TAFA1: variants seen among roughly 807,000 people sequenced by gnomAD.
The protein encoded by TAFA1 is chemokine-like protein TAFA-1.
Under a neutral mutation model 18.5 loss-of-function variants are expected in TAFA1, and 4 were observed. The observed-to-expected ratio is 0.22, with a 90% CI of 0.11 to 0.49. The LOEUF (loss-of-function observed/expected upper bound fraction) is 0.49. Ranked by LOEUF, TAFA1 falls within the 20% of genes least tolerant of loss-of-function variation. The probability of loss-of-function intolerance (pLI) is 0.98; values close to 1 mark genes in which losing one functional copy is unlikely to be tolerated. For missense variants in TAFA1, 147 were observed against 169.0 expected (o/e 0.87, Z 0.72); for synonymous variants, 56 against 55.2 (o/e 1.01, Z -0.06).
chr3:68,213,166 G>T (rs1483434874), intron 2 of TAFA1, among the ~76,000 whole-genome samples: 2 of 151,848 alleles, frequency 1.3e-5, no homozygotes, highest in Non-Finnish European at 2.9e-5. Flanking sequence ...CAGTAAAAAA[G>T]AAACCAACTC....
intron 2 of TAFA1, among the ~76,000 whole-genome samples, chr3:68,061,007 G>A (rs1559721542): frequency 1.3e-5 from 2 of 152,270 alleles, no homozygotes; most frequent in East Asian, 3.9e-4. Flanking sequence ...TAGCGTGTGT[G>A]TACTCTCTTT....
chr3:68,377,099 G>A (rs1366945998), intron 2 of TAFA1, among the ~76,000 whole-genome samples: 3 of 152,048 alleles, frequency 2.0e-5, no homozygotes, highest in Non-Finnish European at 4.4e-5. Context: ...CCCAGTCTCG[G>A]GTATTTCTTT....
intron 2 of TAFA1, among the ~76,000 whole-genome samples, chr3:68,227,024 G>A (rs2066809467): frequency 6.6e-6 from 1 of 152,194 alleles, no homozygotes; most frequent in East Asian, 1.9e-4. Flanking sequence ...CTGTCCTCTA[G>A]AGAACATTTA....
At chr3:68,224,033 A>G (rs1307035041) in intron 2 of TAFA1, among the ~76,000 whole-genome samples, 1 of 150,930 alleles carries the variant, frequency 6.6e-6, no homozygotes, top group Non-Finnish European at 1.5e-5. Context: ...ATAGCCAACA[A>G]CCATGCAAGT....
chr3:68,055,936 A>C (rs1417359936), intron 2 of TAFA1, among the ~76,000 whole-genome samples: 1 of 152,116 alleles, frequency 6.6e-6, no homozygotes, highest in Non-Finnish European at 1.5e-5. Context: ...ATGATGCCGG[A>C]GAGGCCTCTG....
At chr3:68,108,743 A>G (rs770855190) in intron 2 of TAFA1, among the ~76,000 whole-genome samples, 1 of 152,118 alleles carries the variant, frequency 6.6e-6, no homozygotes, top group Non-Finnish European at 1.5e-5. Context: ...TTCAAAACAA[A>G]ATAGAATATG....
Position 68,039,555 on chromosome 3 carries a change from CCAGT to C in TAFA1, c.118+32814_118+32817del, listed in dbSNP as rs201917437. Among the ~76,000 whole-genome samples, 887 of 152,238 alleles carry C rather than the reference CCAGT, an allele frequency of 5.8e-3. 32 individuals are homozygous for C. Among genetic ancestry groups the C allele is most frequent in the Admixed American group, 0.052 (800 of 15,274 alleles). ...TTCTTATTATTCTGCAAATTTCTCT[CCAGT>C]CAAAGATTGTGTAGCATTTCATCTT... On this transcript the variant is annotated intron_variant, in intron 2 of 4. Transcript: ENST00000478136.
chr3:68,362,254 G>A (rs1217436881), intron 2 of TAFA1, among the ~76,000 whole-genome samples: 2 of 152,110 alleles, frequency 1.3e-5, no homozygotes, highest in African/African-American at 2.4e-5. Context: ...TGCAAGGTGT[G>A]TATTGGGCAC....
chr3:68,373,538 C>A (rs976117931), intron 2 of TAFA1, among the ~76,000 whole-genome samples: 2 of 152,138 alleles, frequency 1.3e-5, no homozygotes, highest in African/African-American at 4.8e-5. Context: ...TCTGCTCTAC[C>A]CCCTTTGCCC....
chr3:68,195,832 T>C (rs1276254604), intron 2 of TAFA1, among the ~76,000 whole-genome samples: 1 of 151,742 alleles, frequency 6.6e-6, no homozygotes, highest in African/African-American at 2.4e-5. Context: ...ATCCATATCA[T>C]ATATGTCTTT....
chr3:68,017,691 G>T (rs1704598298), intron 2 of TAFA1, among the ~76,000 whole-genome samples: 1 of 152,192 alleles, frequency 6.6e-6, no homozygotes, highest in African/African-American at 2.4e-5. Context: ...GGGTCCAATA[G>T]CTACTGTTTA....
intron 2 of TAFA1, among the ~76,000 whole-genome samples, chr3:68,236,444 AG>A (rs1460237561): frequency 6.6e-6 from 1 of 152,240 alleles, no homozygotes; most frequent in East Asian, 1.9e-4. Context: ...ACTTGGCTAA[AG>A]CCACTTAAAC....
At chr3:68,056,450 C>T (rs934583614) in intron 2 of TAFA1, among the ~76,000 whole-genome samples, 2 of 152,312 alleles carry the variant, frequency 1.3e-5, no homozygotes. Context: ...GATGGGTGGT[C>T]ACCCAAGTTT....
In TAFA1 at chr3:68,131,541, C is replaced by T. The variant is rs556632768; in HGVS notation, c.118+124797C>T. Among the ~76,000 whole-genome samples the T allele has an allele frequency of 2.0e-5, 3 of 152,362 alleles. No homozygotes were observed. The East Asian group carries it at 5.8e-4, about 29-fold the overall frequency. ...CAAACTGCTACTGTCCTTATTAGTG[C>T]TGCTCCCAAGTAGATTAAGCAAACT... On this transcript the variant is annotated intron_variant, in intron 2 of 4. Coordinates refer to ENST00000478136, the MANE Select transcript of TAFA1 (RefSeq NM_213609.4).
At chr3:68,349,018 C>G (rs1575796284) in intron 2 of TAFA1, among the ~76,000 whole-genome samples, 1 of 151,638 alleles carries the variant, frequency 6.6e-6, no homozygotes, top group East Asian at 2.0e-4. Context: ...TGTTACAAAG[C>G]TGATGCCAAT....
At chr3:68,444,683 G>A (rs1326598219) in intron 3 of TAFA1, among the ~76,000 whole-genome samples, 1 of 150,974 alleles carries the variant, frequency 6.6e-6, no homozygotes, top group Admixed American at 6.6e-5. Flanking sequence ...TGTAATCTCA[G>A]CACTTTGGGA....
chr3:68,140,792 A>C (rs1291387004), intron 2 of TAFA1, among the ~76,000 whole-genome samples: 1 of 152,214 alleles, frequency 6.6e-6, no homozygotes, highest in Non-Finnish European at 1.5e-5. Context: ...AAATGGTCTC[A>C]TGGGAGTTGA....
intron 2 of TAFA1, among the ~76,000 whole-genome samples, chr3:68,317,015 C>A (rs866987182): frequency 1.3e-5 from 2 of 151,960 alleles, no homozygotes; most frequent in South Asian, 2.1e-4. Context: ...GACTCAGAAG[C>A]AACTTAATAT....
At chr3:68,357,923 A>T (rs1236678457) in intron 2 of TAFA1, among the ~76,000 whole-genome samples, 4 of 151,974 alleles carry the variant, frequency 2.6e-5, no homozygotes, top group Non-Finnish European at 5.9e-5. Context: ...GAATAATATC[A>T]GATTACAGAA....
Sources: allele counts gnomAD v4.1 joint callset (sites outside exome capture counted in the v4.1 genomes callset), GRCh38; gene constraint gnomAD v4.1.1; transcripts MANE v1.5; gene names NCBI Gene and HGNC (gene_info 2026-07-23, HGNC 2026-07-21).